Variants in GNA12 observed in about 807,000 individuals in gnomAD.
GNA12 encodes the protein guanine nucleotide-binding protein subunit alpha-12.
In GNA12, 9 loss-of-function variants were observed where a neutral mutation model predicts 26.0. The observed-to-expected ratio is 0.35, with a 90% CI of 0.21 to 0.60. The LOEUF (loss-of-function observed/expected upper bound fraction) is 0.60. GNA12 is among the 20% of genes least tolerant of loss of function. The pLI is 0.78. For synonymous variants in GNA12, 264 were observed against 219.6 expected (o/e 1.20, Z -1.79); for missense variants, 405 against 525.8 (o/e 0.77, Z 2.25).
chr7:2,744,263 A>ACC (rs1295497006), intron 2 of GNA12, among the ~76,000 whole-genome samples: 1 of 151,912 alleles, frequency 6.6e-6, no homozygotes, highest in Non-Finnish European at 1.5e-5. Context: ...ACTGGGAGGC[A>ACC]CCCCCCAGTA....
At chr7:2,788,916 C>T (rs1192341314) in intron 2 of GNA12, among the ~76,000 whole-genome samples, 3 of 151,674 alleles carry the variant, frequency 2.0e-5, no homozygotes, top group African/African-American at 7.3e-5. Flanking sequence ...CATCCCTGGG[C>T]TCAAGCGATT....
intron 2 of GNA12, among the ~76,000 whole-genome samples, chr7:2,756,230 A>C (rs1293491862): frequency 6.6e-6 from 1 of 152,228 alleles, no homozygotes; most frequent in Admixed American, 6.5e-5. Flanking sequence ...GGTGCTGGAA[A>C]AACTGGTGAT....
At chr7:2,784,730 TG>T (rs754700036) in intron 2 of GNA12, among the ~76,000 whole-genome samples, 6 of 152,184 alleles carry the variant, frequency 3.9e-5, no homozygotes, top group Non-Finnish European at 8.8e-5. Flanking sequence ...GCATCCCTTG[TG>T]TACTGATTCG....
intron 1 of GNA12, among the ~76,000 whole-genome samples, chr7:2,802,159 C>CT (rs1275393171): frequency 6.6e-6 from 1 of 151,618 alleles, no homozygotes; most frequent in African/African-American, 2.4e-5. Flanking sequence ...GAGAAAAATC[C>CT]TTTTTTCAGT....
intron 2 of GNA12, among the ~76,000 whole-genome samples, chr7:2,736,522 C>T (rs1790185361): frequency 6.6e-6 from 1 of 152,154 alleles, no homozygotes; most frequent in Non-Finnish European, 1.5e-5. Context: ...GGGCTGGTGG[C>T]AGTGAAAGAG....
intron 2 of GNA12, among the ~76,000 whole-genome samples, chr7:2,777,871 G>A (rs76158938): frequency 0.023 from 3,572 of 152,306 alleles, 105 homozygotes; most frequent in Middle Eastern, 0.075. Context: ...ACTCAGATTT[G>A]TTTCTAAACC....
intron 1 of GNA12, among the ~76,000 whole-genome samples, chr7:2,843,268 G>A (rs967509400): frequency 2.0e-5 from 3 of 152,162 alleles, no homozygotes; most frequent in East Asian, 1.9e-4. Flanking sequence ...CATCCAGGAG[G>A]GGGCTAAGTG....
chr7:2,746,479 A>G (rs1583227988), intron 2 of GNA12, among the ~76,000 whole-genome samples: 1 of 152,248 alleles, frequency 6.6e-6, no homozygotes, highest in South Asian at 2.1e-4. Flanking sequence ...ACGAGAACAA[A>G]GACACAACAT....
intron 1 of GNA12, among the ~76,000 whole-genome samples, chr7:2,840,649 A>G (rs1011344947): frequency 5.9e-5 from 9 of 152,138 alleles, no homozygotes; most frequent in African/African-American, 2.2e-4. Flanking sequence ...GCTTGAGTTC[A>G]AGAGCTCAAG....
chr7:2,742,016 A>T (rs973536731), intron 2 of GNA12, among the ~76,000 whole-genome samples: 11 of 151,310 alleles, frequency 7.3e-5, no homozygotes, highest in Non-Finnish European at 1.6e-4. Context: ...AAACACTTGA[A>T]TTTTTTTATT....
At chr7:2,778,116 G>T (rs1033416090) in intron 2 of GNA12, among the ~76,000 whole-genome samples, 1 of 152,138 alleles carries the variant, frequency 6.6e-6, no homozygotes, top group African/African-American at 2.4e-5. Context: ...GACTCGCTGG[G>T]ATACATGTGT....
chr7:2,779,355 A>T (rs1271385729), intron 2 of GNA12, among the ~76,000 whole-genome samples: 1 of 152,124 alleles, frequency 6.6e-6, no homozygotes, highest in African/African-American at 2.4e-5. Flanking sequence ...CTCATAAATA[A>T]ATAAATAAGT....
At chr7:2,737,407 G>C (rs1486480827) in intron 2 of GNA12, among the ~76,000 whole-genome samples, 1 of 148,784 alleles carries the variant, frequency 6.7e-6, no homozygotes, top group Non-Finnish European at 1.5e-5. Context: ...TCCTGCCTCA[G>C]CCTACAGAGT....
In GNA12 at chr7:2,738,706, T is replaced by C. The variant is rs77737372; in HGVS notation, c.526-5205A>G. Among the ~76,000 whole-genome samples, 1,400 of 152,076 alleles carry C rather than the reference T, an allele frequency of 9.2e-3. 16 individuals are homozygous for C. The highest frequency in any genetic ancestry group is 0.032 in the African/African-American group (1,323 of 41,446). ...TTTGGAACCATGCTAACATCTTCCA[T>C]AATTAAAAAAAAATTAAATAAAAAA... On this transcript the variant is annotated intron_variant, in intron 2 of 3. Transcript: ENST00000275364.
At chr7:2,759,786 T>C (rs1444845021) in intron 2 of GNA12, among the ~76,000 whole-genome samples, 1 of 152,208 alleles carries the variant, frequency 6.6e-6, no homozygotes, top group African/African-American at 2.4e-5. Flanking sequence ...TGAAAAAAAC[T>C]GTCCTTAGGG....
At chr7:2,841,097 A>G (rs1778976669) in intron 1 of GNA12, among the ~76,000 whole-genome samples, 1 of 152,236 alleles carries the variant, frequency 6.6e-6, no homozygotes, top group South Asian at 2.1e-4. Context: ...TTCTGCTGAT[A>G]AGAAAGTCAG....
intron 2 of GNA12, among the ~76,000 whole-genome samples, chr7:2,757,545 T>A (rs1418432787): frequency 6.6e-6 from 1 of 152,114 alleles, no homozygotes; most frequent in African/African-American, 2.4e-5. Context: ...AAGCCTTAGA[T>A]GGGAACGCGG....
intron 2 of GNA12, among the ~76,000 whole-genome samples, chr7:2,734,687 T>C (rs1790069914): frequency 6.6e-6 from 1 of 152,230 alleles, no homozygotes; most frequent in African/African-American, 2.4e-5. Flanking sequence ...CTTCCTACTT[T>C]AGAACGAAGG....
At chr7:2,829,408 G>T (rs1793552632) in intron 1 of GNA12, among the ~76,000 whole-genome samples, 1 of 152,182 alleles carries the variant, frequency 6.6e-6, no homozygotes, top group South Asian at 2.1e-4. Context: ...ACAGCCATGG[G>T]GACGCTGACA....
Sources: allele counts gnomAD v4.1 joint callset (sites outside exome capture counted in the v4.1 genomes callset), GRCh38; gene constraint gnomAD v4.1.1; transcripts MANE v1.5; gene names NCBI Gene and HGNC (gene_info 2026-07-23, HGNC 2026-07-21).